PLCH1: variants seen among roughly 807,000 people sequenced by gnomAD.
PLCH1 encodes 1-phosphatidylinositol 4,5-bisphosphate phosphodiesterase eta-1.
In PLCH1, 60 loss-of-function variants were observed where a neutral mutation model predicts 126.7. The ratio of observed to expected loss-of-function variants is 0.47; its 90% CI spans 0.38 to 0.59. PLCH1 has a LOEUF of 0.59. Among genes scored for constraint, PLCH1 ranks in the 20% least tolerant of loss-of-function variants. The pLI is 0.00. For synonymous variants in PLCH1, 719 were observed against 734.9 expected (o/e 0.98, Z 0.35); for missense variants, 1,723 against 2,040.0 (o/e 0.84, Z 2.99).
chr3:155,715,121 G>A (rs1198510735), intron 1 of PLCH1, among the ~76,000 whole-genome samples: 2 of 152,100 alleles, frequency 1.3e-5, no homozygotes, highest in African/African-American at 4.8e-5. Flanking sequence ...TTAGCATGAA[G>A]TTGTTCATAA....
chr3:155,671,043 G>A (rs1408909442), intron 2 of PLCH1, among the ~76,000 whole-genome samples: 1 of 152,158 alleles, frequency 6.6e-6, no homozygotes, highest in Admixed American at 6.5e-5. Context: ...ACAGGCAATC[G>A]ATTGCTTCCT....
rs1560128055 is a variant in PLCH1, at chr3:155,537,197, AAAACC to A, written c.1362+12585_1362+12589del. 1.3e-3 allele frequency among the ~76,000 whole-genome samples: 58 copies of A among 45,182 alleles called. 4 individuals carry two copies. The highest frequency in any genetic ancestry group is 3.6e-3 in the African/African-American group (40 of 11,096). 29.6% of individuals were successfully genotyped at this position (45,182 alleles called of 152,430 possible). ...CCAAGCTAGCACTACAAAAAAAAAA[AAAACC>A]AAAAAAAAAAAAAAAAAAAAAAAAA... is the stretch of plus-strand genomic sequence containing the variant. On this transcript the variant is annotated intron_variant, in intron 10 of 22. Transcript: ENST00000460012.
At chr3:155,632,644 G>C (rs1374334290) in intron 2 of PLCH1, among the ~76,000 whole-genome samples, 1 of 151,950 alleles carries the variant, frequency 6.6e-6, no homozygotes, top group East Asian at 1.9e-4. Flanking sequence ...TAAAAATCTT[G>C]CAAATAAAAA....
At chr3:155,744,764 G>A (rs1455601783) in intron 1 of PLCH1, 76 bp downstream of exon 1, 2 of 152,798 alleles carry the variant, frequency 1.3e-5, no homozygotes, top group Non-Finnish European at 1.5e-5. Flanking sequence ...CTCGCTCATC[G>A]GACTGGCGTA....
At chr3:155,492,961 C>A (rs1169180584) in intron 17 of PLCH1, 108 bp from the exon 18 acceptor site, 2 of 936,306 alleles carry the variant, frequency 2.1e-6, no homozygotes, top group Admixed American at 3.5e-5. Context: ...TGCTGAATTA[C>A]ATGATCACAT....
chr3:155,692,156 T>G (rs1021467318), intron 2 of PLCH1, among the ~76,000 whole-genome samples: 1 of 152,104 alleles, frequency 6.6e-6, no homozygotes, highest in African/African-American at 2.4e-5. Context: ...AGAAAGCCTA[T>G]TAAAGGAAAT....
At chr3:155,500,668 G>A in intron 14 of PLCH1, 35 bp downstream of exon 14, 1 of 1,270,710 alleles carries the variant, frequency 7.9e-7, no homozygotes, top group Non-Finnish European at 1.1e-6. Flanking sequence ...GGGGCCTCAG[G>A]AGTGTGAGTA....
chr3:155,639,070 G>A (rs1437718153), intron 2 of PLCH1, among the ~76,000 whole-genome samples: 1 of 151,656 alleles, frequency 6.6e-6, no homozygotes, highest in Non-Finnish European at 1.5e-5. Flanking sequence ...TAGATAACTA[G>A]TAAATATCGG....
Position 155,490,843 on chromosome 3 carries a change from T to G in PLCH1, c.2333A>C (p.Glu778Ala). ...GEIIDPFVEVEIIGLPVDCCK... is the reference protein window; with the variant it reads ...GEIIDPFVEVAIIGLPVDCCK... ...ACAATCTACTGGCAATCCAATAATTTCAACTTCAACAAAAGGGTCAATGAT... is the reference window on the plus strand; with the variant it reads ...ACAATCTACTGGCAATCCAATAATTGCAACTTCAACAAAAGGGTCAATGAT... Residue 778 changes from glutamate (E) to alanine (A), a missense_variant, in exon 19 of 23, where the codon GAA becomes GCA. Around this residue, in one of 2 missense-constraint regions of PLCH1, gnomAD observed 776 missense variants for 1,062.9 expected, o/e 0.73. Transcript: ENST00000460012. 6.3e-7 allele frequency: 1 copy of G among 1,589,016 alleles called. No homozygotes were observed. The highest frequency in any genetic ancestry group is 8.6e-7 in the Non-Finnish European group (1 of 1,157,658).
intron 2 of PLCH1, among the ~76,000 whole-genome samples, chr3:155,635,816 G>A (rs915104878): frequency 6.6e-6 from 1 of 152,174 alleles, no homozygotes; most frequent in East Asian, 1.9e-4. Flanking sequence ...TATATGCTTT[G>A]AATGATTGCA....
At chr3:155,456,199 T>G (rs1175230677) in intron 21 of PLCH1, among the ~76,000 whole-genome samples, 1 of 152,186 alleles carries the variant, frequency 6.6e-6, no homozygotes, top group Non-Finnish European at 1.5e-5. Flanking sequence ...TCCTCCTTCT[T>G]TACCGTATCC....
At chr3:155,545,052 G>A (rs1477315047) in intron 10 of PLCH1, among the ~76,000 whole-genome samples, 1 of 148,888 alleles carries the variant, frequency 6.7e-6, no homozygotes, top group African/African-American at 2.4e-5. Flanking sequence ...CAGAACTGAA[G>A]GAAATAGAGA....
intron 11 of PLCH1, among the ~76,000 whole-genome samples, chr3:155,520,057 C>A (rs114673826): frequency 1.3e-5 from 2 of 152,256 alleles, no homozygotes; most frequent in African/African-American, 2.4e-5. Flanking sequence ...GTTCAAGGAC[C>A]AGTCATATCC....
intron 11 of PLCH1, among the ~76,000 whole-genome samples, chr3:155,521,272 ATCC>A (rs1200909863): frequency 1.3e-5 from 2 of 152,208 alleles, no homozygotes; most frequent in African/African-American, 2.4e-5. Flanking sequence ...TTTCTTGTCT[ATCC>A]TCCTCTTCTC....
intron 2 of PLCH1, among the ~76,000 whole-genome samples, chr3:155,623,112 C>G (rs1736734245): frequency 6.6e-6 from 1 of 152,194 alleles, no homozygotes; most frequent in Non-Finnish European, 1.5e-5. Flanking sequence ...AAGAAACTCC[C>G]TCAAAACCAC....
In PLCH1 at chr3:155,737,231, C is replaced by CAAAAAAAAAAA. The variant is rs557369057; in HGVS notation, c.-41+7598_-41+7608dup. Reference sequence around the variant, plus strand: ...TGGGTGACAGAGCAAGCCTCCGTCTCAAAAAAAAAAAAAAAAAAGAGTATA... The same window carrying CAAAAAAAAAAA: ...TGGGTGACAGAGCAAGCCTCCGTCTCAAAAAAAAAAAAAAAAAAAAAAAAAAAAAGAGTATA... On this transcript the variant is annotated intron_variant, in intron 1 of 22. Transcript: ENST00000460012. 5.7e-3 allele frequency among the ~76,000 whole-genome samples: 337 copies of CAAAAAAAAAAA among 59,510 alleles called. 56 individuals carry two copies. The highest frequency in any genetic ancestry group is 0.038 in the Middle Eastern group (2 of 52). 39.0% of individuals were successfully genotyped at this position (59,510 alleles called of 152,430 possible).
At chr3:155,573,301 A>G (rs142976665) in intron 6 of PLCH1, among the ~76,000 whole-genome samples, 1 of 152,310 alleles carries the variant, frequency 6.6e-6, no homozygotes, top group East Asian at 1.9e-4. Flanking sequence ...TCACATCTCA[A>G]TGCATAGATG....
At chr3:155,496,824 T>G (rs563117580) in intron 15 of PLCH1, among the ~76,000 whole-genome samples, 1 of 152,346 alleles carries the variant, frequency 6.6e-6, no homozygotes, top group African/African-American at 2.4e-5. Flanking sequence ...ACGGAGAGAA[T>G]GCTACTGAGA....
intron 2 of PLCH1, among the ~76,000 whole-genome samples, chr3:155,598,346 C>T (rs894427602): frequency 6.6e-6 from 1 of 152,156 alleles, no homozygotes; most frequent in South Asian, 2.1e-4. Context: ...TTCTTGACAG[C>T]CACATTAACC....
Sources: gnomAD v4.1 joint callset for allele counts (sites outside exome capture counted in the v4.1 genomes callset) on GRCh38, gnomAD v4.1.1 for gene constraint, gnomAD v4.1.1 regional missense constraint, MANE v1.5 for transcripts, NCBI Gene and HGNC (gene_info 2026-07-23, HGNC 2026-07-21) for gene names.